Variants in PPM1L observed in about 807,000 individuals in gnomAD.
PPM1L encodes the protein protein phosphatase 1L.
PPM1L carries 13 observed loss-of-function variants against 31.4 expected under a neutral mutation model. That is an observed-to-expected ratio of 0.41 (90% CI 0.27 to 0.66). The LOEUF is 0.66. Among genes scored for constraint, PPM1L ranks in the 30% least tolerant of loss-of-function variants. The pLI is 0.29. For synonymous variants in PPM1L, 184 were observed against 175.4 expected, an observed-to-expected ratio of 1.05 and a Z score of -0.39; for missense variants, 326 against 453.7, an observed-to-expected ratio of 0.72 and a Z score of 2.56.
chr3:160,775,591 G>T (rs1422387881), intron 1 of PPM1L, among the ~76,000 whole-genome samples: 1 of 152,182 alleles, frequency 6.6e-6, no homozygotes, highest in Non-Finnish European at 1.5e-5. Flanking sequence ...CAGTTTGACA[G>T]GTAACTCTAT....
intron 1 of PPM1L, among the ~76,000 whole-genome samples, chr3:160,944,832 A>ATATATTATATATGTTATATAACATATAT (rs773580806): frequency 3.5e-5 from 2 of 57,062 alleles, no homozygotes; most frequent in African/African-American, 1.2e-4. Context: ...TATATATAAC[A>ATATATTATATATGTTATATAACATATAT]TATATATGTT....
At chr3:160,887,747 A>AT (rs977887397) in intron 1 of PPM1L, among the ~76,000 whole-genome samples, 16 of 150,398 alleles carry the variant, frequency 1.1e-4, no homozygotes, top group South Asian at 6.3e-4. Flanking sequence ...TGCCCGGCTA[A>AT]TTTTTTTTTG....
intron 1 of PPM1L, among the ~76,000 whole-genome samples, chr3:160,762,887 C>G (rs1327123272): frequency 2.0e-5 from 3 of 151,904 alleles, no homozygotes; most frequent in African/African-American, 4.8e-5. Context: ...ATTCAAGTAC[C>G]CTCTGTGTTT....
intron 1 of PPM1L, among the ~76,000 whole-genome samples, chr3:160,866,155 A>T (rs1712079654): frequency 6.6e-6 from 1 of 152,174 alleles, no homozygotes; most frequent in Non-Finnish European, 1.5e-5. Context: ...AGTGCTCAGA[A>T]AGGTACTTGG....
chr3:160,950,660 A>C (rs549134973), intron 1 of PPM1L, among the ~76,000 whole-genome samples: 2 of 152,282 alleles, frequency 1.3e-5, no homozygotes, highest in African/African-American at 4.8e-5. Context: ...CCAGTAGGAG[A>C]TCTCTGGTGC....
intron 1 of PPM1L, among the ~76,000 whole-genome samples, chr3:160,897,129 A>C (rs1023071200): frequency 7.4e-6 from 1 of 135,346 alleles, no homozygotes; most frequent in Non-Finnish European, 1.5e-5. Context: ...TGCAACCTCC[A>C]CCTCCCGGGT....
chr3:160,986,017 C>T (rs1332402137), intron 2 of PPM1L, among the ~76,000 whole-genome samples: 1 of 151,400 alleles, frequency 6.6e-6, no homozygotes, highest in Non-Finnish European at 1.5e-5. Flanking sequence ...TTTTGAGAGT[C>T]AGGGTAGATA....
intron 2 of PPM1L, among the ~76,000 whole-genome samples, chr3:160,973,608 A>G (rs1351024558): frequency 6.6e-6 from 1 of 152,158 alleles, no homozygotes; most frequent in African/African-American, 2.4e-5. Flanking sequence ...AGAGGTAGGT[A>G]AAATGCATCC....
intron 1 of PPM1L, among the ~76,000 whole-genome samples, chr3:160,837,572 A>C (rs1713757700): frequency 6.6e-6 from 1 of 152,194 alleles, no homozygotes; most frequent in Admixed American, 6.5e-5. Flanking sequence ...ATAAGGCCCC[A>C]GTAGATGTAA....
chr3:160,781,092 C>G (rs6767097), intron 1 of PPM1L, among the ~76,000 whole-genome samples: 2,559 of 152,180 alleles, frequency 0.017, 68 homozygotes, highest in African/African-American at 0.058. Flanking sequence ...GTATACGTTG[C>G]TATTCTCTAA....
At chr3:161,052,192 A>G (rs1299247439) in intron 2 of PPM1L, among the ~76,000 whole-genome samples, 2 of 152,204 alleles carry the variant, frequency 1.3e-5, no homozygotes, top group Non-Finnish European at 2.9e-5. Flanking sequence ...GCAAAGGTTT[A>G]TGATTTATTA....
intron 2 of PPM1L, among the ~76,000 whole-genome samples, chr3:160,984,094 C>A (rs1445340818): frequency 6.6e-6 from 1 of 152,204 alleles, no homozygotes; most frequent in Non-Finnish European, 1.5e-5. Context: ...GAGAACTGGT[C>A]TGACTAGAAT....
chr3:160,882,515 G>T (rs1048925352), intron 1 of PPM1L, among the ~76,000 whole-genome samples: 6 of 152,142 alleles, frequency 3.9e-5, no homozygotes, highest in African/African-American at 1.4e-4. Flanking sequence ...AAATCAAAAA[G>T]ATATTGGATT....
chr3:160,988,954 A>G (rs962543500), intron 2 of PPM1L, among the ~76,000 whole-genome samples: 8 of 152,196 alleles, frequency 5.3e-5, no homozygotes, highest in Admixed American at 6.5e-5. Flanking sequence ...AGGGGAAGGC[A>G]TCAATCTTTT....
At chr3:161,037,412 C>CT (rs59883046) in intron 2 of PPM1L, among the ~76,000 whole-genome samples, 3,259 of 99,464 alleles carry the variant, frequency 0.033, 185 homozygotes, top group Admixed American at 0.065. Flanking sequence ...CCTACTTGAG[C>CT]TTTTTTTTTT....
At chr3:160,759,562 G>T (rs1384957392) in intron 1 of PPM1L, among the ~76,000 whole-genome samples, 1 of 152,136 alleles carries the variant, frequency 6.6e-6, no homozygotes, top group African/African-American at 2.4e-5. Context: ...TACCTAGATA[G>T]ATGGTGCCCT....
In PPM1L at chr3:161,028,811, C is replaced by T. The variant is rs758020514; in HGVS notation, c.575-36592C>T. 5.4e-4 allele frequency among the ~76,000 whole-genome samples: 82 copies of T among 152,148 alleles called. 1 individual carries two copies. The highest frequency in any genetic ancestry group is 1.2e-4 in the Non-Finnish European group (8 of 68,030). On this transcript the variant is annotated intron_variant, in intron 2 of 3. Coordinates refer to ENST00000498165, the MANE Select transcript of PPM1L (RefSeq NM_139245.4). ...TAATAAAAGCTTATCAGGATGCTGACAGAATGCCAGTGTACGTGCCCTCTA... is the reference window on the plus strand; with the variant it reads ...TAATAAAAGCTTATCAGGATGCTGATAGAATGCCAGTGTACGTGCCCTCTA...
chr3:160,835,312 T>A (rs1489467066), intron 1 of PPM1L, among the ~76,000 whole-genome samples: 20 of 151,984 alleles, frequency 1.3e-4, no homozygotes, highest in Admixed American at 1.3e-3. Flanking sequence ...GCAATGAGTA[T>A]CCACATCTCA....
chr3:161,039,897 C>T (rs147847497), intron 2 of PPM1L, among the ~76,000 whole-genome samples: 1 of 152,190 alleles, frequency 6.6e-6, no homozygotes, highest in Non-Finnish European at 1.5e-5. Context: ...ACCTGCTTCC[C>T]ATCTGCTGAT....
Sources: gnomAD v4.1 joint callset for allele counts (sites outside exome capture counted in the v4.1 genomes callset) on GRCh38, gnomAD v4.1.1 for gene constraint, MANE v1.5 for transcripts, NCBI Gene and HGNC (gene_info 2026-07-23, HGNC 2026-07-21) for gene names.